PPP2R3A: variants seen among roughly 807,000 people sequenced by gnomAD.
PPP2R3A encodes the protein serine/threonine-protein phosphatase 2A regulatory subunit B'' subunit alpha.
In PPP2R3A, 80 loss-of-function variants were observed where a neutral mutation model predicts 106.9. The ratio of observed to expected loss-of-function variants is 0.75; its 90% CI spans 0.62 to 0.90. The LOEUF is 0.90. Ranked by LOEUF, PPP2R3A falls within the 40% of genes least tolerant of loss-of-function variation. The pLI is 0.00. For missense variants in PPP2R3A, 1,386 were observed against 1,350.4 expected (o/e 1.03, Z -0.41); for synonymous variants, 483 against 468.3 (o/e 1.03, Z -0.41).
intron 1 of PPP2R3A, among the ~76,000 whole-genome samples, chr3:135,991,365 A>G (rs780399299): frequency 1.1e-4 from 17 of 148,312 alleles, no homozygotes; most frequent in Admixed American, 3.3e-4. Flanking sequence ...AAATACTTAG[A>G]AAAGGAAATT....
chr3:136,133,253 C>T (rs1313328409), intron 13 of PPP2R3A, among the ~76,000 whole-genome samples: 1 of 151,996 alleles, frequency 6.6e-6, no homozygotes, highest in African/African-American at 2.4e-5. Context: ...CCAAAACATT[C>T]TGATAAAGAA....
chr3:136,141,075 C>T (rs1318703702), intron 13 of PPP2R3A, among the ~76,000 whole-genome samples: 4 of 152,186 alleles, frequency 2.6e-5, no homozygotes, highest in African/African-American at 9.6e-5. Context: ...TGTACTATAG[C>T]CCAAGGAAAT....
chr3:136,010,417 ATTTTTTTTTTT>A (rs56962010), intron 2 of PPP2R3A, among the ~76,000 whole-genome samples: 4 of 51,006 alleles, frequency 7.8e-5, no homozygotes, highest in South Asian at 1.4e-3. Flanking sequence ...CGCTCGGCTA[ATTTTTTTTTTT>A]TTTTTTTTTT....
At chr3:136,072,908 G>C (rs1936480619) in intron 6 of PPP2R3A, among the ~76,000 whole-genome samples, 1 of 151,964 alleles carries the variant, frequency 6.6e-6, no homozygotes, top group Non-Finnish European at 1.5e-5. Flanking sequence ...TGAAGTACTT[G>C]GACATTCGAT....
chr3:136,006,999 G>A (rs1483843807), intron 2 of PPP2R3A, among the ~76,000 whole-genome samples: 1 of 152,184 alleles, frequency 6.6e-6, no homozygotes, highest in Non-Finnish European at 1.5e-5. Context: ...CCTTCAGGTG[G>A]TAACCTTTTC....
At chr3:135,996,907 T>C (rs1156704201) in intron 1 of PPP2R3A, among the ~76,000 whole-genome samples, 1 of 152,176 alleles carries the variant, frequency 6.6e-6, no homozygotes, top group Non-Finnish European at 1.5e-5. Flanking sequence ...GAACCTGTCA[T>C]GGAAAAAAAT....
At chr3:136,028,724 T>A (rs1934754329) in intron 3 of PPP2R3A, among the ~76,000 whole-genome samples, 1 of 152,256 alleles carries the variant, frequency 6.6e-6, no homozygotes, top group Admixed American at 6.5e-5. Flanking sequence ...CTGAATGGGC[T>A]GGAACTATGG....
chr3:136,118,838 A>G (rs1348229973), intron 13 of PPP2R3A, among the ~76,000 whole-genome samples: 1 of 152,190 alleles, frequency 6.6e-6, no homozygotes, highest in African/African-American at 2.4e-5. Flanking sequence ...TCAAGCTACC[A>G]CTGACTTTCT....
At position 136,055,224 on chromosome 3, in the gene PPP2R3A, A is replaced by G. The variant is rs190215677; in HGVS notation, c.2469+5863A>G. 21 of 776,974 alleles carry G rather than the reference A, an allele frequency of 2.7e-5. No individual in the cohort carries two copies. The African/African-American group carries it at 3.1e-4, about 11-fold the overall frequency. The allele number at this position is 776,974 out of a possible 1,614,324, so 48.1% of individuals were successfully genotyped here. ...GTGCAAGATAAAATTAAAAAGCCAGACATACTTTCTATCAAGCTGCGTAAA... is the reference window on the plus strand; with the variant it reads ...GTGCAAGATAAAATTAAAAAGCCAGGCATACTTTCTATCAAGCTGCGTAAA... On this transcript the variant is annotated intron_variant, in intron 5 of 13. Transcript: ENST00000264977.
In PPP2R3A at chr3:136,140,005, C is replaced by CAAA. The variant is rs370749523; in HGVS notation, c.3330-5022_3330-5020dup. Among the ~76,000 whole-genome samples, 123 of 84,242 alleles carry CAAA rather than the reference C, an allele frequency of 1.5e-3. 1 individual carries two copies. The highest frequency in any genetic ancestry group is 7.1e-3 in the Middle Eastern group (1 of 140). The allele number at this position is 84,242 out of a possible 152,430, so 55.3% of individuals were successfully genotyped here. A position where few individuals can be genotyped will look rare whatever the true frequency, so the allele number is the denominator to read the frequency against. On this transcript the variant is annotated intron_variant, in intron 13 of 13. Transcript: ENST00000264977. ...TGAGCAACAGAGCGAGACTCTGTCT[C>CAAA]AAAAAAAAAAAAAAAAAAGAATATG...
chr3:136,139,675 G>A (rs1157525693), intron 13 of PPP2R3A, among the ~76,000 whole-genome samples: 1 of 140,308 alleles, frequency 7.1e-6, no homozygotes, highest in East Asian at 2.1e-4. Flanking sequence ...CCTGGTGACA[G>A]AGCGAGACTC....
intron 1 of PPP2R3A, among the ~76,000 whole-genome samples, chr3:135,966,882 A>G (rs1016408933): frequency 4.6e-5 from 7 of 152,024 alleles, no homozygotes; most frequent in Non-Finnish European, 8.8e-5. Context: ...CCTTAGTCTC[A>G]GGCCTTAGTT....
intron 13 of PPP2R3A, among the ~76,000 whole-genome samples, chr3:136,107,285 T>C (rs1323545348): frequency 1.3e-5 from 2 of 151,936 alleles, no homozygotes; most frequent in African/African-American, 4.8e-5. Context: ...TCATATAATA[T>C]TCAAAGAAAC....
rs776095356 is a variant in PPP2R3A at position 136,075,810 on chromosome 3, A to G, written c.2545-2557A>G. 7.9e-5 allele frequency among the ~76,000 whole-genome samples: 12 copies of G among 152,312 alleles called. No homozygotes were observed. In the South Asian group the frequency reaches 1.7e-3, roughly 21 times the overall value. On this transcript the variant is annotated intron_variant, in intron 6 of 13. Coordinates refer to ENST00000264977, the MANE Select transcript of PPP2R3A (RefSeq NM_002718.5). ...AAGGACAAAAATCTTCAATAGAAAA[A>G]TGTGGTTTAATAATATATATTGAAA... is the stretch of plus-strand genomic sequence containing the variant.
chr3:135,972,788 T>G (rs1434372468), intron 1 of PPP2R3A, among the ~76,000 whole-genome samples: 1 of 152,224 alleles, frequency 6.6e-6, no homozygotes, highest in Non-Finnish European at 1.5e-5. Flanking sequence ...ATCAATTTTT[T>G]AATTGGATTG....
chr3:136,045,473 G>A (rs1193020640), intron 4 of PPP2R3A, among the ~76,000 whole-genome samples: 2 of 152,208 alleles, frequency 1.3e-5, no homozygotes, highest in East Asian at 1.9e-4. Context: ...CAGGAACTGG[G>A]CCACAACCTC....
intron 7 of PPP2R3A, among the ~76,000 whole-genome samples, chr3:136,080,868 T>A (rs764916011): frequency 1.3e-5 from 2 of 152,246 alleles, no homozygotes; most frequent in Non-Finnish European, 2.9e-5. Context: ...AATAATAATT[T>A]ATGTTGTTGT....
At chr3:136,144,949 G>A in intron 13 of PPP2R3A, 94 bp from the exon 14 acceptor site, 1 of 1,406,528 alleles carries the variant, frequency 7.1e-7, no homozygotes, top group East Asian at 2.4e-5. Context: ...AGGTACCTTT[G>A]TGGGCTGGTC....
In PPP2R3A at chr3:136,092,866, T is replaced by C. The variant is rs143274524; in HGVS notation, c.2927+2199T>C. Among the ~76,000 whole-genome samples the C allele has an allele frequency of 1.3e-3, 197 of 152,324 alleles. 1 individual carries two copies. The highest frequency in any genetic ancestry group is 4.4e-3 in the African/African-American group (182 of 41,564). On this transcript the variant is annotated intron_variant, in intron 10 of 13. Transcript: ENST00000264977. Reference sequence around the variant, plus strand: ...GTTGGTGCAAAAGTAATTGTGGTTTTTGCAATTTCTTTTGGTGGCCAAAAC... The same window carrying C: ...GTTGGTGCAAAAGTAATTGTGGTTTCTGCAATTTCTTTTGGTGGCCAAAAC...
Sources: allele counts gnomAD v4.1 joint callset (sites outside exome capture counted in the v4.1 genomes callset), GRCh38; gene constraint gnomAD v4.1.1; transcripts MANE v1.5; gene names NCBI Gene and HGNC (gene_info 2026-07-23, HGNC 2026-07-21).